CTIF: variants seen among roughly 807,000 people sequenced by gnomAD.
CTIF encodes cap binding complex dependent translation initiation factor, also known as CBP80/20-dependent translation initiation factor.
A neutral mutation model predicts 66.0 loss-of-function variants in CTIF; 21 were observed. That is an observed-to-expected ratio of 0.32 (90% CI 0.23 to 0.46). The LOEUF (loss-of-function observed/expected upper bound fraction) is 0.46, where lower values mean the gene tolerates loss of function less well. Ranked by LOEUF, CTIF falls within the 20% of genes least tolerant of loss-of-function variation. The probability of loss-of-function intolerance (pLI) is 1.00; values close to 1 mark genes in which losing one functional copy is unlikely to be tolerated. For synonymous variants in CTIF, 345 were observed against 326.4 expected (o/e 1.06, Z -0.62); for missense variants, 739 against 812.7 (o/e 0.91, Z 1.10).
At chr18:48,799,121 T>C (rs942731526) in intron 9 of CTIF, among the ~76,000 whole-genome samples, 9 of 152,188 alleles carry the variant, frequency 5.9e-5, no homozygotes, top group African/African-American at 1.4e-4. Context: ...AAAGTCTTAC[T>C]GAGCTCTGCA....
chr18:48,696,697 A>G (rs1021635450), intron 6 of CTIF, among the ~76,000 whole-genome samples: 5 of 152,070 alleles, frequency 3.3e-5, no homozygotes, highest in Non-Finnish European at 7.4e-5. Flanking sequence ...AATTCCTACA[A>G]CGAAAGGTAG....
intron 3 of CTIF, among the ~76,000 whole-genome samples, chr18:48,655,775 A>G (rs1019345350): frequency 2.0e-5 from 3 of 152,140 alleles, no homozygotes; most frequent in African/African-American, 7.2e-5. Flanking sequence ...AGAATTCTCT[A>G]GGGGAAACTT....
chr18:48,549,230 G>A (rs182712668), intron 1 of CTIF, among the ~76,000 whole-genome samples: 1 of 152,326 alleles, frequency 6.6e-6, no homozygotes, highest in African/African-American at 2.4e-5. Context: ...AGAGGACGTA[G>A]GGGAAAGCAT....
intron 6 of CTIF, among the ~76,000 whole-genome samples, chr18:48,703,856 C>T (rs972489532): frequency 3.3e-5 from 5 of 152,124 alleles, no homozygotes; most frequent in African/African-American, 4.8e-5. Flanking sequence ...AGAAGGGAGG[C>T]GAGCAGGTGA....
intron 7 of CTIF, chr18:48,756,365 A>C (rs1908365148): frequency 6.6e-6 from 1 of 152,228 alleles, no homozygotes. Flanking sequence ...AAAATAATGC[A>C]TTTAACCCCA....
At chr18:48,544,329 T>G (rs2088695241) in intron 1 of CTIF, among the ~76,000 whole-genome samples, 1 of 152,244 alleles carries the variant, frequency 6.6e-6, no homozygotes, top group African/African-American at 2.4e-5. Flanking sequence ...ATACCCATTT[T>G]GCAGAGCAGG....
intron 10 of CTIF, among the ~76,000 whole-genome samples, chr18:48,822,148 G>T (rs929537322): frequency 1.3e-5 from 2 of 152,134 alleles, no homozygotes; most frequent in Non-Finnish European, 2.9e-5. Flanking sequence ...GTATATTGCA[G>T]TTTCCTTCTT....
chr18:48,706,740 A>G lies in CTIF; in HGVS notation c.508-4879A>G, dbSNP rs1259702750. On this transcript the variant is annotated intron_variant, in intron 6 of 11. Coordinates refer to ENST00000256413, the MANE Select transcript of CTIF (RefSeq NM_014772.3). ...CAATAACATGCCGCCCCTCAGTGTC[A>G]TGTCTTCTGCAAGCACTGACCTCAG... 2.0e-5 allele frequency among the ~76,000 whole-genome samples: 3 copies of G among 152,104 alleles called. No individual in the cohort carries two copies. In the East Asian group the frequency reaches 5.8e-4, roughly 29 times the overall value.
chr18:48,672,207 A>G (rs951478440), intron 6 of CTIF, among the ~76,000 whole-genome samples: 1 of 151,620 alleles, frequency 6.6e-6, no homozygotes, highest in Non-Finnish European at 1.5e-5. Context: ...CTGTGAGAGC[A>G]CAATGGGATG....
chr18:48,678,374 G>A (rs1027389364), intron 6 of CTIF, among the ~76,000 whole-genome samples: 6 of 152,032 alleles, frequency 3.9e-5, no homozygotes, highest in Non-Finnish European at 8.8e-5. Flanking sequence ...ATCAAGGAGG[G>A]GGTCTTACAA....
At chr18:48,772,634 T>C (rs1038632822) in intron 9 of CTIF, among the ~76,000 whole-genome samples, 3 of 152,164 alleles carry the variant, frequency 2.0e-5, no homozygotes, top group African/African-American at 7.2e-5. Context: ...CTTCACATCA[T>C]GGTTTCCAGG....
chr18:48,761,780 A>G lies in CTIF; in HGVS notation c.1371+91A>G. 7.7e-7 allele frequency: 1 copy of G among 1,300,118 alleles called. No homozygotes were observed. The highest frequency in any genetic ancestry group is 1.1e-6 in the Non-Finnish European group (1 of 944,034). 80.5% of individuals were successfully genotyped at this position (1,300,118 alleles called of 1,614,324 possible). ...AGCGAGAAGGCTGCGAGTTCTGGCC[A>G]CAGTTGGACTTTTCCCAAGTTCCGC... is the stretch of plus-strand genomic sequence containing the variant. On this transcript the variant is annotated intron_variant, in intron 9 of 11. Transcript: ENST00000256413. The surrounding 1 kb of genome is among the most constrained non-coding windows in gnomAD (Gnocchi z 4.2).
intron 7 of CTIF, among the ~76,000 whole-genome samples, chr18:48,724,369 C>T (rs960010088): frequency 2.0e-5 from 3 of 152,320 alleles, no homozygotes; most frequent in South Asian, 2.1e-4. Context: ...GCTCTGTCCC[C>T]ACCTACCCTC....
chr18:48,782,709 G>A (rs1340833301), intron 9 of CTIF, among the ~76,000 whole-genome samples: 2 of 152,224 alleles, frequency 1.3e-5, no homozygotes, highest in South Asian at 2.1e-4. Flanking sequence ...GCTGGCATGA[G>A]ATGTGGTTCA....
At chr18:48,704,266 G>A (rs980838827) in intron 6 of CTIF, among the ~76,000 whole-genome samples, 16 of 152,150 alleles carry the variant, frequency 1.1e-4, no homozygotes, top group African/African-American at 3.9e-4. Context: ...TTGGGCCTCT[G>A]TGGGCAACTT....
At chr18:48,820,521 C>G (rs115062764) in intron 10 of CTIF, among the ~76,000 whole-genome samples, 87 of 152,238 alleles carry the variant, frequency 5.7e-4, no homozygotes, top group Middle Eastern at 3.4e-3. Context: ...GCCCACATTT[C>G]CAGCTGCCCA....
chr18:48,677,434 G>A (rs184652939), intron 6 of CTIF, among the ~76,000 whole-genome samples: 1 of 152,308 alleles, frequency 6.6e-6, no homozygotes, highest in East Asian at 1.9e-4. Flanking sequence ...TTCTCCTAAT[G>A]TCCCCTTAGT....
intron 3 of CTIF, among the ~76,000 whole-genome samples, chr18:48,646,507 G>A (rs1429475052): frequency 5.3e-5 from 8 of 151,902 alleles, no homozygotes; most frequent in Admixed American, 5.2e-4. Context: ...AACACTCTGG[G>A]AGGCCGAGGC....
At chr18:48,610,812 T>G (rs779124887) in intron 1 of CTIF, among the ~76,000 whole-genome samples, 1 of 152,238 alleles carries the variant, frequency 6.6e-6, no homozygotes, top group South Asian at 2.1e-4. Flanking sequence ...CATGAAGTTC[T>G]GATGAGACCA....
Sources: allele counts gnomAD v4.1 joint callset (sites outside exome capture counted in the v4.1 genomes callset), GRCh38; gene constraint gnomAD v4.1.1; non-coding constraint Gnocchi (gnomAD v3.1); transcripts MANE v1.5; gene names NCBI Gene and HGNC (gene_info 2026-07-23, HGNC 2026-07-21).